The following CCDC85C variants were observed in gnomAD, a reference collection of about 807,000 sequenced individuals.
CCDC85C encodes coiled-coil domain-containing protein 85C.
In CCDC85C, 18 loss-of-function variants were observed where a neutral mutation model predicts 38.3. The observed-to-expected ratio is 0.47, with a 90% CI of 0.33 to 0.70. The LOEUF is 0.70. CCDC85C is among the 30% of genes least tolerant of loss of function. The pLI is 0.03. For missense variants in CCDC85C, 566 were observed against 621.2 expected, an observed-to-expected ratio of 0.91 and a Z score of 0.94; for synonymous variants, 264 against 293.8, an observed-to-expected ratio of 0.90 and a Z score of 1.04.
At chr14:99,552,270 TC>T (rs974489963) in intron 1 of CCDC85C, among the ~76,000 whole-genome samples, 4 of 152,192 alleles carry the variant, frequency 2.6e-5, no homozygotes, top group Non-Finnish European at 5.9e-5. Context: ...GGTGCTGCAA[TC>T]CTGCCCTACG....
rs568375299 is a variant in CCDC85C at position 99,603,171 on chromosome 14, C to T, written c.789G>A (p.Leu263=). Residue 263 remains leucine (L), a synonymous_variant, in exon 1 of 6, where the codon CTG becomes CTA. Coordinates refer to ENST00000380243, the MANE Select transcript of CCDC85C (RefSeq NM_001144995.2). This position sits in a 1 kb window ranked among gnomAD's most constrained non-coding sequence, Gnocchi z 7.5. ...CCCGGCCCGTGTAGTCCTTACCGTG[C>T]AGGCCGTTGGGGATGCTGCGGTGGT... The part of the protein sequence containing the change: ...PPHHRSIPNG[L]HDPSSTYIRQ... The T allele has an allele frequency of 3.0e-4, 423 of 1,393,414 alleles. 2 individuals are homozygous for T. The African/African-American group carries it at 5.8e-3, about 19-fold the overall frequency. 86.3% of individuals were successfully genotyped at this position (1,393,414 alleles called of 1,614,324 possible).
rs201983471 is a variant in CCDC85C, at chr14:99,503,024, C to T, written c.*12222G>A. The stretch of plus-strand genomic sequence containing the variant: ...GCAGGCCCTGGGTAGAGCAGGCTTT[C>T]CAGGTGGCGGCAACACCTGAGCACT... On this transcript the variant is annotated 3_prime_UTR_variant, in exon 6 of 6. Transcript: ENST00000380243. 784 of 1,609,932 alleles carry T rather than the reference C, an allele frequency of 4.9e-4. 6 individuals are homozygous for T. The African/African-American group carries it at 9.2e-3, about 19-fold the overall frequency.
rs1896974726 is a variant in CCDC85C at position 99,506,349 on chromosome 14, G to A, written c.*8897C>T. On this transcript the variant is annotated 3_prime_UTR_variant, in exon 6 of 6. Coordinates refer to ENST00000380243, the MANE Select transcript of CCDC85C (RefSeq NM_001144995.2). ...AATAGGGTTCTTTTTCAGTTGTGATGTGCACGCTGCCTTCTTAAACGGATG... is the reference window on the plus strand; with the variant it reads ...AATAGGGTTCTTTTTCAGTTGTGATATGCACGCTGCCTTCTTAAACGGATG... 1 of 152,430 alleles carries A rather than the reference G, an allele frequency of 6.6e-6. No individual in the cohort carries two copies. Among genetic ancestry groups the A allele is most frequent in the Non-Finnish European group, 1.5e-5 (1 of 68,110 alleles). 9.4% of individuals were successfully genotyped at this position (152,430 alleles called of 1,614,324 possible). A position where few individuals can be genotyped will look rare whatever the true frequency, so the allele number is the denominator to read the frequency against.
chr14:99,546,850 AG>A (rs973519879), intron 1 of CCDC85C, among the ~76,000 whole-genome samples: 4 of 152,192 alleles, frequency 2.6e-5, no homozygotes, highest in Admixed American at 6.5e-5. Flanking sequence ...AAACAGTTCC[AG>A]GAAGGTCAGA....
intron 1 of CCDC85C, among the ~76,000 whole-genome samples, chr14:99,563,690 C>A (rs1393040323): frequency 2.0e-5 from 3 of 152,218 alleles, no homozygotes; most frequent in Non-Finnish European, 4.4e-5. Context: ...CGCTCACCAG[C>A]CGGCAGACAT....
In CCDC85C at chr14:99,535,295, G is replaced by A. The variant is rs367987431; in HGVS notation, c.867+720C>T. On this transcript the variant is annotated intron_variant, in intron 2 of 5. Coordinates refer to ENST00000380243, the MANE Select transcript of CCDC85C (RefSeq NM_001144995.2). This position sits in a 1 kb window ranked among gnomAD's most constrained non-coding sequence, Gnocchi z 5.5. ...CTGGGATGAAGCCAGGGATGCGCAC[G>A]AGGGCTCGGAGGCTTGGGGGAGCGA... 3.9e-5 allele frequency among the ~76,000 whole-genome samples: 6 copies of A among 152,318 alleles called. No homozygotes were observed. Among genetic ancestry groups the A allele is most frequent in the South Asian group, 2.1e-4 (1 of 4,832 alleles).
At chr14:99,566,998 A>G (rs1272877096) in intron 1 of CCDC85C, among the ~76,000 whole-genome samples, 1 of 152,164 alleles carries the variant, frequency 6.6e-6, no homozygotes, top group Non-Finnish European at 1.5e-5. Flanking sequence ...CTCCAGCCTC[A>G]AGAGGGCCCG....
rs372896166 is a variant in CCDC85C, at chr14:99,572,221, C to T, written c.793+30946G>A. Among the ~76,000 whole-genome samples the T allele has an allele frequency of 7.2e-5, 11 of 152,198 alleles. No individual in the cohort carries two copies. Among genetic ancestry groups the T allele is most frequent in the East Asian group, 1.9e-4 (1 of 5,188 alleles). Reference sequence around the variant, plus strand: ...GCTTCAGTGGCCCTGGCCCCAGCAGCGTTAGTGAATGGCCAGGCTGTGGCC... The same window carrying T: ...GCTTCAGTGGCCCTGGCCCCAGCAGTGTTAGTGAATGGCCAGGCTGTGGCC... On this transcript the variant is annotated intron_variant, in intron 1 of 5. Coordinates refer to ENST00000380243, the MANE Select transcript of CCDC85C (RefSeq NM_001144995.2). The surrounding 1 kb of genome is among the most constrained non-coding windows in gnomAD (Gnocchi z 4.4).
At chr14:99,519,377 A>G (rs1206551413) in intron 3 of CCDC85C, among the ~76,000 whole-genome samples, 4 of 149,176 alleles carry the variant, frequency 2.7e-5, no homozygotes, top group African/African-American at 7.5e-5. Flanking sequence ...TTGGCCTCCC[A>G]AAGTGATGGG....
intron 1 of CCDC85C, chr14:99,580,211 G>A (rs913529978): frequency 6.9e-6 from 3 of 436,020 alleles, no homozygotes; most frequent in Admixed American, 2.5e-5. Context: ...CCCGGAGCTC[G>A]GCAGGCCCAG....
chr14:99,573,004 C>T (rs1166051485), intron 1 of CCDC85C: 4 of 363,404 alleles, frequency 1.1e-5, no homozygotes, highest in African/African-American at 8.5e-5. Context: ...ACCCTGGTGA[C>T]CGCAGGAGAC....
At chr14:99,602,827 G>A (rs1381958841) in intron 1 of CCDC85C, among the ~76,000 whole-genome samples, 1 of 152,204 alleles carries the variant, frequency 6.6e-6, no homozygotes, top group Admixed American at 6.5e-5. Flanking sequence ...CCGCTACTAG[G>A]CAAGGATTTC....
chr14:99,568,190 C>G (rs1188979454), intron 1 of CCDC85C, among the ~76,000 whole-genome samples: 1 of 150,090 alleles, frequency 6.7e-6, no homozygotes, highest in Non-Finnish European at 1.5e-5. Context: ...AATTCATGGA[C>G]AGCAGGGAAG....
At position 99,507,066 on chromosome 14, in the gene CCDC85C, T is replaced by G; in HGVS notation, c.*8180A>C. ...TATGAGTGGTTTTCTAATCTGCTTT[T>G]TCTTTGTAGAACCACCACCACCTAA... On this transcript the variant is annotated 3_prime_UTR_variant, in exon 6 of 6. Coordinates refer to ENST00000380243, the MANE Select transcript of CCDC85C (RefSeq NM_001144995.2). The G allele has an allele frequency of 3.2e-6, 5 of 1,582,948 alleles. No homozygotes were observed. Among genetic ancestry groups the G allele is most frequent in the Non-Finnish European group, 4.3e-6 (5 of 1,151,602 alleles).
chr14:99,555,468 C>G (rs1024049797), intron 1 of CCDC85C, among the ~76,000 whole-genome samples: 3 of 152,236 alleles, frequency 2.0e-5, no homozygotes, highest in African/African-American at 7.2e-5. Flanking sequence ...CTTCAAATCC[C>G]TTCTCCTCCC....
At chr14:99,583,478 T>C (rs1257612152) in intron 1 of CCDC85C, among the ~76,000 whole-genome samples, 1 of 122,860 alleles carries the variant, frequency 8.1e-6, no homozygotes, top group Non-Finnish European at 1.6e-5. Context: ...CACTCCAGGC[T>C]GGGCAACGAG....
chr14:99,583,629 A>C (rs985605341), intron 1 of CCDC85C, among the ~76,000 whole-genome samples: 1 of 151,898 alleles, frequency 6.6e-6, no homozygotes, highest in African/African-American at 2.4e-5. Context: ...ATACGGTAAA[A>C]CCACGTCTCT....
chr14:99,540,919 G>A (rs1297446572), intron 1 of CCDC85C, among the ~76,000 whole-genome samples: 4 of 152,186 alleles, frequency 2.6e-5, no homozygotes, highest in Admixed American at 6.5e-5. Flanking sequence ...CCTGCACTGG[G>A]TCCTGCCACT....
intron 1 of CCDC85C, among the ~76,000 whole-genome samples, chr14:99,562,703 ACCT>A (rs1196893393): frequency 6.6e-6 from 1 of 151,968 alleles, no homozygotes; most frequent in African/African-American, 2.4e-5. Context: ...CAAAGGAGCC[ACCT>A]CCTCCTCCAT....
Sources: allele counts gnomAD v4.1 joint callset (sites outside exome capture counted in the v4.1 genomes callset), GRCh38; gene constraint gnomAD v4.1.1; non-coding constraint Gnocchi (gnomAD v3.1); transcripts MANE v1.5; gene names NCBI Gene and HGNC (gene_info 2026-07-23, HGNC 2026-07-21).